The following PIBF1 variants were observed in gnomAD, a reference collection of about 807,000 sequenced individuals.
The protein encoded by PIBF1 is progesterone immunomodulatory binding factor 1, also known as progesterone-induced-blocking factor 1.
A neutral mutation model predicts 112.5 loss-of-function variants in PIBF1; 90 were observed. The ratio of observed to expected loss-of-function variants is 0.80; its 90% CI spans 0.67 to 0.95. PIBF1 has a LOEUF of 0.95. Among genes scored for constraint, PIBF1 ranks in the 40% least tolerant of loss-of-function variants. PIBF1 has a pLI of 0.00. For synonymous variants in PIBF1, 301 were observed against 288.6 expected (o/e 1.04, Z -0.44); for missense variants, 915 against 852.3 (o/e 1.07, Z -0.92).
rs144454603 is a variant in PIBF1 at position 72,898,611 on chromosome 13, C to A, written c.1488+4662C>A. Among the ~76,000 whole-genome samples, 959 of 149,638 alleles carry A rather than the reference C, an allele frequency of 6.4e-3. 13 individuals are homozygous for A. The highest frequency in any genetic ancestry group is 0.022 in the African/African-American group (890 of 40,658). On this transcript the variant is annotated intron_variant, in intron 11 of 17. Transcript: ENST00000326291. Reference sequence around the variant, plus strand: ...CAGCACTTTGGGAGGCTGAGGTGGGCGGATCACCTGAGGTTGGGAGTTCGA... The same window carrying A: ...CAGCACTTTGGGAGGCTGAGGTGGGAGGATCACCTGAGGTTGGGAGTTCGA...
chr13:72,971,198 GTGTGTGTA>G (rs60687148), intron 15 of PIBF1, among the ~76,000 whole-genome samples: 38,896 of 139,056 alleles, frequency 0.28, 5,928 homozygotes, highest in Middle Eastern at 0.37. Context: ...GTGTGTGTGT[GTGTGTGTA>G]TGTGTGTGTG....
intron 16 of PIBF1, among the ~76,000 whole-genome samples, chr13:72,977,609 T>C (rs897529762): frequency 1.3e-5 from 2 of 150,724 alleles, no homozygotes; most frequent in Admixed American, 6.6e-5. Context: ...AATTCCAAAA[T>C]ATGTGTTAAA....
intron 9 of PIBF1, among the ~76,000 whole-genome samples, chr13:72,846,294 C>T (rs2037876942): frequency 6.6e-6 from 1 of 152,146 alleles, no homozygotes; most frequent in Non-Finnish European, 1.5e-5. Context: ...TTTTCACATT[C>T]CATATTCTAT....
intron 9 of PIBF1, among the ~76,000 whole-genome samples, chr13:72,853,012 A>T (rs1283476228): frequency 6.6e-6 from 1 of 152,082 alleles, no homozygotes; most frequent in African/African-American, 2.4e-5. Flanking sequence ...AAAATCATTT[A>T]TATTACATTC....
At chr13:72,882,091 A>T (rs1346831645) in intron 10 of PIBF1, among the ~76,000 whole-genome samples, 3 of 152,034 alleles carry the variant, frequency 2.0e-5, no homozygotes, top group South Asian at 4.1e-4. Context: ...AAAAACAGAC[A>T]CACAGACCAA....
intron 2 of PIBF1, among the ~76,000 whole-genome samples, chr13:72,789,440 GC>G (rs925635273): frequency 3.3e-5 from 5 of 152,014 alleles, no homozygotes; most frequent in African/African-American, 1.2e-4. Context: ...TCCCACCTTG[GC>G]CCCCCAAAGT....
At chr13:72,858,023 T>TTG (rs374331152) in intron 10 of PIBF1, among the ~76,000 whole-genome samples, 337 of 141,312 alleles carry the variant, frequency 2.4e-3, no homozygotes, top group Non-Finnish European at 3.4e-3. Flanking sequence ...CAAATGTACA[T>TTG]TGTGTGTGTG....
intron 5 of PIBF1, among the ~76,000 whole-genome samples, chr13:72,819,624 T>C (rs913982859): frequency 1.3e-5 from 2 of 152,220 alleles, no homozygotes; most frequent in Non-Finnish European, 1.5e-5. Context: ...CTCAGTTTTT[T>C]TCATCTGTGA....
chr13:72,916,314 C>T (rs2041090417), intron 12 of PIBF1, among the ~76,000 whole-genome samples: 1 of 151,706 alleles, frequency 6.6e-6, no homozygotes, highest in Admixed American at 6.6e-5. Flanking sequence ...ATCGCTTGAA[C>T]CTGGGAGGCA....
chr13:73,013,317 A>G (rs2044271900), intron 17 of PIBF1, among the ~76,000 whole-genome samples: 1 of 149,296 alleles, frequency 6.7e-6, no homozygotes, highest in South Asian at 2.1e-4. Context: ...AAAAAAAAAA[A>G]AAAAAAAAAG....
intron 6 of PIBF1, among the ~76,000 whole-genome samples, chr13:72,826,662 A>G (rs1463581970): frequency 6.6e-6 from 1 of 152,134 alleles, no homozygotes; most frequent in African/African-American, 2.4e-5. Context: ...CTGAAAGCCT[A>G]GAGCCATGTA....
intron 10 of PIBF1, among the ~76,000 whole-genome samples, chr13:72,878,532 CA>C (rs1407496520): frequency 6.6e-6 from 1 of 152,026 alleles, no homozygotes; most frequent in Non-Finnish European, 1.5e-5. Context: ...TAACTTTGTT[CA>C]TGTGTGTTTA....
intron 3 of PIBF1, among the ~76,000 whole-genome samples, chr13:72,793,471 G>A (rs2035036185): frequency 6.6e-6 from 1 of 152,164 alleles, no homozygotes; most frequent in Non-Finnish European, 1.5e-5. Context: ...TCTGACTTGT[G>A]GGGGTGGGGT....
intron 16 of PIBF1, among the ~76,000 whole-genome samples, chr13:72,979,189 T>C (rs1234207594): frequency 6.6e-6 from 1 of 152,180 alleles, no homozygotes; most frequent in Non-Finnish European, 1.5e-5. Flanking sequence ...CAACACTGTC[T>C]TTTAGAAAAA....
At chr13:72,902,618 G>A (rs935753821) in intron 11 of PIBF1, among the ~76,000 whole-genome samples, 2 of 152,028 alleles carry the variant, frequency 1.3e-5, no homozygotes, top group African/African-American at 4.8e-5. Context: ...TACGTATAAA[G>A]GTTTATATAA....
intron 5 of PIBF1, among the ~76,000 whole-genome samples, chr13:72,819,519 T>C (rs144205687): frequency 7.2e-5 from 11 of 152,242 alleles, no homozygotes; most frequent in African/African-American, 2.6e-4. Flanking sequence ...ACTTTTACTA[T>C]TAAACTGTAG....
chr13:72,980,583 T>C, intron 16 of PIBF1, among the ~76,000 whole-genome samples: 1 of 151,774 alleles, frequency 6.6e-6, no homozygotes, highest in South Asian at 2.1e-4. Flanking sequence ...TCACTTGAGC[T>C]CAGGAGTTCA....
intron 17 of PIBF1, among the ~76,000 whole-genome samples, chr13:73,004,045 T>C (rs911251906): frequency 3.9e-5 from 6 of 152,048 alleles, no homozygotes; most frequent in African/African-American, 9.7e-5. Context: ...AAATACAAAT[T>C]GCTATGAAAA....
At chr13:72,996,541 A>G (rs941311265) in intron 16 of PIBF1, among the ~76,000 whole-genome samples, 12 of 152,206 alleles carry the variant, frequency 7.9e-5, no homozygotes, top group African/African-American at 2.9e-4. Context: ...TAATCCCAGC[A>G]CTTTGGGAGG....
Sources: allele counts gnomAD v4.1 joint callset (sites outside exome capture counted in the v4.1 genomes callset), GRCh38; gene constraint gnomAD v4.1.1; transcripts MANE v1.5; gene names NCBI Gene and HGNC (gene_info 2026-07-23, HGNC 2026-07-21).